Variants in MAP3K20 observed in about 807,000 individuals in gnomAD.
MAP3K20 encodes mitogen-activated protein kinase kinase kinase 20, also known as HCCS-4.
A neutral mutation model predicts 85.7 loss-of-function variants in MAP3K20; 40 were observed. That is an observed-to-expected ratio of 0.47 (90% confidence interval 0.36 to 0.61). The LOEUF (loss-of-function observed/expected upper bound fraction) is 0.61, where lower values mean the gene tolerates loss of function less well. Ranked by LOEUF, MAP3K20 falls within the 20% of genes least tolerant of loss-of-function variation. MAP3K20 has a pLI of 0.00. For synonymous variants in MAP3K20, 325 were observed against 327.7 expected (o/e 0.99, Z 0.09); for missense variants, 817 against 961.7 (o/e 0.85, Z 1.99).
chr2:173,171,906 T>C (rs927353134), intron 3 of MAP3K20, among the ~76,000 whole-genome samples: 2 of 152,198 alleles, frequency 1.3e-5, no homozygotes, highest in Non-Finnish European at 1.5e-5. Context: ...ACCTATGAGA[T>C]TGATTATTAA....
intron 14 of MAP3K20, among the ~76,000 whole-genome samples, chr2:173,236,974 T>C (rs1684666639): frequency 6.6e-6 from 1 of 151,116 alleles, no homozygotes; most frequent in Non-Finnish European, 1.5e-5. Flanking sequence ...CTCTCAGTCC[T>C]TAAATGGTAG....
chr2:173,134,101 A>G (rs1559245654), intron 2 of MAP3K20, among the ~76,000 whole-genome samples: 1 of 150,610 alleles, frequency 6.6e-6, no homozygotes. Flanking sequence ...GTATGGGATT[A>G]TTTTCTACAT....
intron 4 of MAP3K20, among the ~76,000 whole-genome samples, chr2:173,186,876 T>C (rs1054026306): frequency 6.6e-6 from 1 of 152,208 alleles, no homozygotes; most frequent in Admixed American, 6.5e-5. Flanking sequence ...ATAAATATGA[T>C]GGAAAGAATT....
At position 173,229,675 on chromosome 2, in the gene MAP3K20, T is replaced by A; in HGVS notation, c.988-14T>A. The A allele has an allele frequency of 6.2e-7, 1 of 1,613,934 alleles. No homozygotes were observed. Among genetic ancestry groups the A allele is most frequent in the Non-Finnish European group, 8.5e-7 (1 of 1,179,962 alleles). On this transcript the variant is annotated splice_polypyrimidine_tract_variant and intron_variant, in intron 11 of 19. Coordinates refer to ENST00000375213, the MANE Select transcript of MAP3K20 (RefSeq NM_016653.3). Reference sequence around the variant, plus strand: ...TTACTTTTTTTTTTCATTTCATGCATATTTCCCATGCAGCTGCTGCCTTCC... The same window carrying A: ...TTACTTTTTTTTTTCATTTCATGCAAATTTCCCATGCAGCTGCTGCCTTCC...
chr2:173,149,097 G>A (rs1689221573), intron 2 of MAP3K20, among the ~76,000 whole-genome samples: 1 of 152,250 alleles, frequency 6.6e-6, no homozygotes, highest in South Asian at 2.1e-4. Flanking sequence ...TATTTATAAT[G>A]ATAGTGCTGA....
At chr2:173,125,412 A>G (rs1688412350) in intron 2 of MAP3K20, among the ~76,000 whole-genome samples, 1 of 152,206 alleles carries the variant, frequency 6.6e-6, no homozygotes. Flanking sequence ...TAAGGATCTC[A>G]GATTATCCTT....
chr2:173,075,675 G>C (rs1191964269), upstream of MAP3K20: 4 of 967,820 alleles, frequency 4.1e-6, no homozygotes, highest in Non-Finnish European at 3.7e-6. Context: ...AGGCAGGTGT[G>C]TCTGGGGGCC....
intron 2 of MAP3K20, among the ~76,000 whole-genome samples, chr2:173,094,665 T>C (rs551612264): frequency 1.1e-4 from 17 of 152,298 alleles, no homozygotes; most frequent in African/African-American, 3.8e-4. Flanking sequence ...GGGGTTTATG[T>C]GATTTCCTCC....
chr2:173,208,878 T>G (rs1276331441), intron 9 of MAP3K20, among the ~76,000 whole-genome samples: 1 of 152,252 alleles, frequency 6.6e-6, no homozygotes, highest in African/African-American at 2.4e-5. Context: ...TTTCTCTTTT[T>G]GTTTTAACCT....
chr2:173,197,821 C>T, intron 7 of MAP3K20: 1 of 264,446 alleles, frequency 3.8e-6, no homozygotes, highest in Non-Finnish European at 7.0e-6. Context: ...ATTTCTAAAC[C>T]AGGTTTTTTC....
At chr2:173,096,249 C>T (rs1038890032) in intron 2 of MAP3K20, among the ~76,000 whole-genome samples, 6 of 152,042 alleles carry the variant, frequency 3.9e-5, no homozygotes, top group African/African-American at 1.2e-4. Flanking sequence ...ATGTAAATAC[C>T]ACATGACCCA....
chr2:173,147,489 T>C (rs1242596438), intron 2 of MAP3K20, among the ~76,000 whole-genome samples: 1 of 152,212 alleles, frequency 6.6e-6, no homozygotes, highest in Non-Finnish European at 1.5e-5. Context: ...TGGGGGTGCA[T>C]ATTGCTATTC....
chr2:173,143,645 T>A (rs2106216869), intron 2 of MAP3K20, among the ~76,000 whole-genome samples: 2 of 152,354 alleles, frequency 1.3e-5, no homozygotes, highest in South Asian at 4.1e-4. Flanking sequence ...ATGATTTCTG[T>A]TCACTGTTCT....
chr2:173,234,428 A>C (rs1315173241), intron 14 of MAP3K20, among the ~76,000 whole-genome samples: 2 of 152,228 alleles, frequency 1.3e-5, no homozygotes, highest in Non-Finnish European at 2.9e-5. Flanking sequence ...TAAGGAATTT[A>C]CATCTCAGAG....
chr2:173,189,916 C>T (rs974205074), intron 5 of MAP3K20, among the ~76,000 whole-genome samples: 1 of 152,164 alleles, frequency 6.6e-6, no homozygotes, highest in South Asian at 2.1e-4. Context: ...CCTCATCTGT[C>T]TCCTGGACCA....
intron 14 of MAP3K20, among the ~76,000 whole-genome samples, chr2:173,235,989 G>A (rs914943496): frequency 6.6e-6 from 1 of 152,288 alleles, no homozygotes; most frequent in Non-Finnish European, 1.5e-5. Flanking sequence ...CTAAGGGCCA[G>A]GCACTGTGGC....
chr2:173,209,637 A>AG lies in MAP3K20; in HGVS notation c.745-91dup, dbSNP rs1420634929. Reference sequence around the variant, plus strand: ...TGTTTTATTTTGTTATGGTGGGTTGAGTTTATTACTATGCTTGTAGTATCT... The same window carrying AG: ...TGTTTTATTTTGTTATGGTGGGTTGAGGTTTATTACTATGCTTGTAGTATCT... On this transcript the variant is annotated intron_variant, in intron 9 of 19. Transcript: ENST00000375213. The AG allele has an allele frequency of 4.1e-5, 41 of 997,508 alleles. No individual in the cohort carries two copies. In the African/African-American group the frequency reaches 6.5e-4, roughly 16 times the overall value. The allele number at this position is 997,508 out of a possible 1,614,324, so 61.8% of individuals were successfully genotyped here.
chr2:173,171,016 T>G (rs552306091), intron 3 of MAP3K20, among the ~76,000 whole-genome samples: 11 of 152,358 alleles, frequency 7.2e-5, no homozygotes, highest in African/African-American at 2.6e-4. Context: ...TAGTAGCATT[T>G]TAACCTAAGT....
At chr2:173,195,646 GA>G (rs139113672) in intron 7 of MAP3K20, among the ~76,000 whole-genome samples, 2 of 148,096 alleles carry the variant, frequency 1.4e-5, no homozygotes, top group Non-Finnish European at 3.0e-5. Context: ...GTTTAGTGTG[GA>G]AAAAAAAAGC....
Sources: gnomAD v4.1 joint callset for allele counts (sites outside exome capture counted in the v4.1 genomes callset) on GRCh38, gnomAD v4.1.1 for gene constraint, MANE v1.5 for transcripts, NCBI Gene and HGNC (gene_info 2026-07-23, HGNC 2026-07-21) for gene names.